PCDHGA4: variants seen among roughly 807,000 people sequenced by gnomAD.
PCDHGA4 encodes protocadherin gamma subfamily A, 4.
In PCDHGA4, 38 loss-of-function variants were observed where a neutral mutation model predicts 54.6. The ratio of observed to expected loss-of-function variants is 0.70; its 90% CI spans 0.54 to 0.91. The LOEUF is 0.91. Among genes scored for constraint, PCDHGA4 ranks in the 40% least tolerant of loss-of-function variants. PCDHGA4 has a pLI of 0.00. For missense variants in PCDHGA4, 1,298 were observed against 1,220.9 expected (o/e 1.06, Z -0.94); for synonymous variants, 511 against 512.9 (o/e 1.00, Z 0.05).
intron 1 of PCDHGA4, among the ~76,000 whole-genome samples, chr5:141,368,348 C>T (rs1406521709): frequency 1.3e-5 from 2 of 151,986 alleles, no homozygotes; most frequent in African/African-American, 4.8e-5. Flanking sequence ...TACATATACA[C>T]ACACATATAT....
At chr5:141,365,152 CG>C in intron 1 of PCDHGA4, 1 of 1,613,880 alleles carries the variant, frequency 6.2e-7, no homozygotes, top group South Asian at 1.1e-5. Context: ...AGGGAATAAA[CG>C]GGAAATTGAC....
chr5:141,474,412 C>T (rs1282336092), intron 1 of PCDHGA4, among the ~76,000 whole-genome samples: 2 of 152,220 alleles, frequency 1.3e-5, no homozygotes, highest in African/African-American at 2.4e-5. Context: ...CCGGTGATGC[C>T]TAGACCATTG....
At chr5:141,417,702 A>G (rs2096149298) in intron 1 of PCDHGA4, 2 of 1,199,336 alleles carry the variant, frequency 1.7e-6, no homozygotes, top group Non-Finnish European at 1.1e-6. Context: ...CAGCTCCCAC[A>G]CAGAGGCTCC....
chr5:141,376,559 C>G (rs758448085), intron 1 of PCDHGA4: 8 of 1,609,380 alleles, frequency 5.0e-6, no homozygotes, highest in Admixed American at 3.4e-5. Context: ...TCCCGCAACC[C>G]AACTAATCAG....
rs1760632616 is a variant in PCDHGA4 at position 141,357,502 on chromosome 5, C to A, written c.2395C>A (p.Leu799Met). The A allele has an allele frequency of 6.2e-7, 1 of 1,614,264 alleles. No homozygotes were observed. The highest frequency in any genetic ancestry group is 1.3e-5 in the African/African-American group (1 of 75,076). Residue 799 changes from leucine to methionine, a missense_variant, in exon 1 of 4, where the codon CTG becomes ATG. Physicochemically the swap from Leu to Met is conservative, Grantham distance 15. Coordinates refer to ENST00000571252, the MANE Select transcript of PCDHGA4 (RefSeq NM_018917.4). ...CACCGCGGACTCGCGGAAGAGTCAC[C>A]TGATCTTCTCCCAACCCAGCTATGC... ...SLTADSRKSHLIFSQPSYADT... is the reference protein window; with the variant it reads ...SLTADSRKSHMIFSQPSYADT...
At chr5:141,423,644 A>G in intron 1 of PCDHGA4, 1 of 1,592,866 alleles carries the variant, frequency 6.3e-7, no homozygotes, top group South Asian at 1.1e-5. Context: ...GGCAAATGTG[A>G]CCCGACAAGT....
chr5:141,490,251 A>G lies in PCDHGA4; in HGVS notation c.2515-4556A>G, dbSNP rs1479384008. ...CCATGGAGGGCCACTGTGTGATTCA[A>G]GTGGATGTGGGGGATGTCAATGACA... is the stretch of plus-strand genomic sequence containing the variant. On this transcript the variant is annotated intron_variant, in intron 1 of 3. Coordinates refer to ENST00000571252, the MANE Select transcript of PCDHGA4 (RefSeq NM_018917.4). This position sits in a 1 kb window ranked among gnomAD's most constrained non-coding sequence, Gnocchi z 5.4. 6.2e-7 allele frequency: 1 copy of G among 1,614,210 alleles called. No homozygotes were observed. Among genetic ancestry groups the G allele is most frequent in the Non-Finnish European group, 8.5e-7 (1 of 1,180,036 alleles).
intron 1 of PCDHGA4, among the ~76,000 whole-genome samples, chr5:141,445,961 G>C (rs944876169): frequency 6.6e-6 from 1 of 152,158 alleles, no homozygotes; most frequent in Non-Finnish European, 1.5e-5. Flanking sequence ...GCTATATGGA[G>C]AATTGATTTA....
chr5:141,375,059 G>A lies in PCDHGA4; in HGVS notation c.2514+17438G>A. On this transcript the variant is annotated intron_variant, in intron 1 of 3. Transcript: ENST00000571252. ...GGGTGTTGAAGCCCGGGATGGGCCA[G>A]GTCTTCGAGACAGAGCGAAAGTCTT... The A allele has an allele frequency of 2.5e-6, 4 of 1,614,038 alleles. No individual in the cohort carries two copies. The Admixed American group carries it at 6.7e-5, about 27-fold the overall frequency.
intron 1 of PCDHGA4, chr5:141,375,104 A>G (rs762208267): frequency 6.2e-7 from 1 of 1,613,956 alleles, no homozygotes; most frequent in Non-Finnish European, 8.5e-7. Context: ...CTTGGATGTC[A>G]ATGATAATGT....
At chr5:141,376,441 G>C in intron 1 of PCDHGA4, 3 of 1,614,206 alleles carry the variant, frequency 1.9e-6, no homozygotes, top group Non-Finnish European at 2.5e-6. Flanking sequence ...AGAGCTATGA[G>C]AAAAGCGAGC....
At chr5:141,371,258 G>A in intron 1 of PCDHGA4, 1 of 1,614,052 alleles carries the variant, frequency 6.2e-7, no homozygotes, top group South Asian at 1.1e-5. Context: ...GCAAGGAAGT[G>A]AGACAACTGT....
chr5:141,369,665 A>T (rs1322092427), intron 1 of PCDHGA4, among the ~76,000 whole-genome samples: 1 of 152,242 alleles, frequency 6.6e-6, no homozygotes, highest in Non-Finnish European at 1.5e-5. Context: ...AAGATAAAAG[A>T]GAAGAAAGTG....
At chr5:141,376,163 G>C in intron 1 of PCDHGA4, 11 of 1,614,112 alleles carry the variant, frequency 6.8e-6, no homozygotes, top group Non-Finnish European at 9.3e-6. Flanking sequence ...TCTGTACCTG[G>C]TGGTGGCGGT....
chr5:141,394,263 A>C lies in PCDHGA4; in HGVS notation c.2514+36642A>C, dbSNP rs745926581. The C allele has an allele frequency of 2.5e-6, 4 of 1,613,766 alleles. No homozygotes were observed. In the African/African-American group the frequency reaches 5.3e-5, roughly 22 times the overall value. On this transcript the variant is annotated intron_variant, in intron 1 of 3. Coordinates refer to ENST00000571252, the MANE Select transcript of PCDHGA4 (RefSeq NM_018917.4). ...TGCACACGACCCCGACAGCCAGGAG[A>C]ATGCCCAGGTCACTTACTCTGTGAC...
chr5:141,410,186 C>G, intron 1 of PCDHGA4: 1 of 1,613,940 alleles, frequency 6.2e-7, no homozygotes, highest in Non-Finnish European at 8.5e-7. Flanking sequence ...CACGCTTCAT[C>G]TGGTCTTCGC....
chr5:141,383,979 A>C (rs1388219452), intron 1 of PCDHGA4: 1 of 1,613,678 alleles, frequency 6.2e-7, no homozygotes, highest in Non-Finnish European at 8.5e-7. Context: ...CTGAAGACAC[A>C]CCTCTTGGGA....
At position 141,477,115 on chromosome 5, in the gene PCDHGA4, A is replaced by G. The variant is rs1218111107; in HGVS notation, c.2515-17692A>G. ...AAGACAAGGGCGCCAATCCCGAAGG[A>G]GCACATTGCAAAGTGTTGGTGGAGG... On this transcript the variant is annotated intron_variant, in intron 1 of 3. Transcript: ENST00000571252. This position sits in a 1 kb window ranked among gnomAD's most constrained non-coding sequence, Gnocchi z 4.9. 1 of 1,614,230 alleles carries G rather than the reference A, an allele frequency of 6.2e-7. No homozygotes were observed. Among genetic ancestry groups the G allele is most frequent in the South Asian group, 1.1e-5 (1 of 91,090 alleles).
rs1363636662 is a variant in PCDHGA4, at chr5:141,356,692, G to C, written c.1585G>C (p.Gly529Arg). ...TYSLAEDTFQ[G>R]APLSSYVSIN... ...CTCCCTGGCCGAAGACACCTTCCAG[G>C]GTGCACCTCTGTCCTCCTATGTCTC... Residue 529 changes from glycine (G) to arginine (R), a missense_variant, in exon 1 of 4, where the codon GGT (glycine) becomes CGT (arginine). Physicochemically the swap from Gly to Arg is moderately radical, Grantham distance 125 (BLOSUM62 -2). Transcript: ENST00000571252. The C allele has an allele frequency of 1.2e-6, 2 of 1,613,832 alleles. No homozygotes were observed. Among genetic ancestry groups the C allele is most frequent in the African/African-American group, 2.7e-5 (2 of 74,892 alleles).
Sources: gnomAD v4.1 joint callset for allele counts (sites outside exome capture counted in the v4.1 genomes callset) on GRCh38, gnomAD v4.1.1 for gene constraint, Gnocchi (gnomAD v3.1) non-coding constraint, MANE v1.5 for transcripts, NCBI Gene and HGNC (gene_info 2026-07-23, HGNC 2026-07-21) for gene names.